PPM1H: variants seen among roughly 807,000 people sequenced by gnomAD.
PPM1H encodes protein phosphatase 1H.
In PPM1H, 27 loss-of-function variants were observed where a neutral mutation model predicts 54.9. The ratio of observed to expected loss-of-function variants is 0.49; its 90% CI spans 0.36 to 0.68. The LOEUF (loss-of-function observed/expected upper bound fraction) is 0.68. Among genes scored for constraint, PPM1H ranks in the 30% least tolerant of loss-of-function variants. The pLI, the probability that PPM1H is intolerant of heterozygous loss-of-function variation, is 0.00. For missense variants in PPM1H, 596 were observed against 667.8 expected, an observed-to-expected ratio of 0.89 and a Z score of 1.19; for synonymous variants, 305 against 270.8, an observed-to-expected ratio of 1.13 and a Z score of -1.24.
chr12:62,728,214 T>C (rs895326694), intron 5 of PPM1H, among the ~76,000 whole-genome samples: 1 of 152,154 alleles, frequency 6.6e-6, no homozygotes, highest in African/African-American at 2.4e-5. Flanking sequence ...TTAGGGACTC[T>C]AAAGAGCACA....
intron 4 of PPM1H, among the ~76,000 whole-genome samples, chr12:62,760,603 A>C (rs565584357): frequency 6.6e-6 from 1 of 152,346 alleles, no homozygotes; most frequent in African/African-American, 2.4e-5. Context: ...AGCTGAAGGC[A>C]TAGTCAGGGT....
At chr12:62,702,544 C>CAGAGAGAGAGAGAGAGAGAGAGAGAG (rs66497730) in intron 6 of PPM1H, among the ~76,000 whole-genome samples, 38 of 140,724 alleles carry the variant, frequency 2.7e-4, no homozygotes, top group Non-Finnish European at 4.4e-4. Context: ...CCTTGAGCTA[C>CAGAGAGAGAGAGAGAGAGAGAGAGAG]AGAGAGAGAG....
At chr12:62,670,056 C>T (rs193040844) in intron 8 of PPM1H, among the ~76,000 whole-genome samples, 1 of 139,116 alleles carries the variant, frequency 7.2e-6, no homozygotes, top group Non-Finnish European at 1.5e-5. Flanking sequence ...CAGCTCACTG[C>T]AACCTCTGCC....
In PPM1H at chr12:62,844,639, T is replaced by C. The variant is rs2120906551; in HGVS notation, c.246-12360A>G. ...GGACAAGGTGGACTACCAATATATT[T>C]CAATTAGTCAAGGGTAGATGTGTTC... On this transcript the variant is annotated intron_variant, in intron 1 of 9. Transcript: ENST00000228705. The surrounding 1 kb of genome is among the most constrained non-coding windows in gnomAD (Gnocchi z 5.2). Among the ~76,000 whole-genome samples, 1 of 152,342 alleles carries C rather than the reference T, an allele frequency of 6.6e-6. No individual in the cohort carries two copies. The highest frequency in any genetic ancestry group is 3.4e-3 in the Middle Eastern group (1 of 294).
intron 6 of PPM1H, among the ~76,000 whole-genome samples, chr12:62,712,659 AC>A (rs779186223): frequency 6.6e-6 from 1 of 152,230 alleles, no homozygotes; most frequent in Non-Finnish European, 1.5e-5. Flanking sequence ...ACTCTGTAAA[AC>A]TCAAGAGTCA....
At chr12:62,903,723 C>T (rs1871227155) in intron 1 of PPM1H, among the ~76,000 whole-genome samples, 1 of 151,998 alleles carries the variant, frequency 6.6e-6, no homozygotes, top group South Asian at 2.1e-4. Flanking sequence ...TGTCTAGTTG[C>T]CATGGGGTGG....
chr12:62,689,916 C>G, intron 7 of PPM1H, 110 bp from the exon 8 acceptor site: 2 of 684,658 alleles, frequency 2.9e-6, no homozygotes, highest in South Asian at 4.2e-5. Context: ...GTTCCTCCTG[C>G]CCAGATATGT....
intron 2 of PPM1H, among the ~76,000 whole-genome samples, chr12:62,805,691 TG>T (rs1417003598): frequency 2.0e-5 from 3 of 152,130 alleles, no homozygotes; most frequent in African/African-American, 7.2e-5. Flanking sequence ...TGCCAGGGGC[TG>T]GGGTTGAGGA....
chr12:62,764,934 C>A (rs552694962), intron 4 of PPM1H, among the ~76,000 whole-genome samples: 1 of 152,200 alleles, frequency 6.6e-6, no homozygotes, highest in Non-Finnish European at 1.5e-5. Flanking sequence ...CAAAGCCATG[C>A]GTGCCGCTTA....
At chr12:62,877,429 T>G (rs1483106158) in intron 1 of PPM1H, among the ~76,000 whole-genome samples, 1 of 152,212 alleles carries the variant, frequency 6.6e-6, no homozygotes, top group African/African-American at 2.4e-5. Flanking sequence ...CAACATCTGC[T>G]TCTAGCATCA....
intron 6 of PPM1H, among the ~76,000 whole-genome samples, chr12:62,717,020 C>T (rs909087257): frequency 3.3e-5 from 5 of 152,170 alleles, no homozygotes; most frequent in Non-Finnish European, 7.3e-5. Flanking sequence ...GTTGCCCAGG[C>T]TGGAATGCAG....
chr12:62,902,340 C>T (rs1365859079), intron 1 of PPM1H, among the ~76,000 whole-genome samples: 1 of 151,018 alleles, frequency 6.6e-6, no homozygotes, highest in East Asian at 1.9e-4. Flanking sequence ...GGCAAAAGAG[C>T]AAGACTCCAA....
intron 7 of PPM1H, among the ~76,000 whole-genome samples, chr12:62,693,248 A>T (rs1289955715): frequency 4.6e-5 from 7 of 152,176 alleles, no homozygotes; most frequent in Non-Finnish European, 1.5e-5. Context: ...CCACTTTAGG[A>T]TCCACAGCTT....
At chr12:62,659,029 C>A (rs2075864135) in intron 9 of PPM1H, 4 of 725,308 alleles carry the variant, frequency 5.5e-6, no homozygotes, top group Non-Finnish European at 1.0e-5. Flanking sequence ...CACATGCTGC[C>A]CAGTGGCTTC....
intron 2 of PPM1H, among the ~76,000 whole-genome samples, chr12:62,803,464 T>C (rs2076784663): frequency 6.6e-6 from 1 of 152,108 alleles, no homozygotes; most frequent in Non-Finnish European, 1.5e-5. Context: ...GTGTCTGCAA[T>C]AAATGGTATT....
chr12:62,681,329 G>A (rs2076017879), intron 8 of PPM1H, among the ~76,000 whole-genome samples: 1 of 152,130 alleles, frequency 6.6e-6, no homozygotes, highest in Admixed American at 6.5e-5. Context: ...AATCCAGTCT[G>A]CCTCATTATG....
chr12:62,931,416 T>C (rs1872127525), intron 1 of PPM1H, among the ~76,000 whole-genome samples: 1 of 152,246 alleles, frequency 6.6e-6, no homozygotes, highest in Admixed American at 6.5e-5. Context: ...CCACAGTCCC[T>C]ACTTGTCTTT....
chr12:62,803,037 C>A (rs1272296662), intron 2 of PPM1H, among the ~76,000 whole-genome samples: 1 of 152,166 alleles, frequency 6.6e-6, no homozygotes, highest in Non-Finnish European at 1.5e-5. Flanking sequence ...ATAATTGTCC[C>A]ATCTTTCTTG....
rs371143962 is a variant in PPM1H, at chr12:62,804,351, C to CAAAA, written c.412-2195_412-2192dup. ...CTGGGGTGACAGAGTGACCCTGTCT[C>CAAAA]AAAAAAAAAAGATTGTTTAAGAAAA... On this transcript the variant is annotated intron_variant, in intron 2 of 9. Transcript: ENST00000228705. 3.1e-4 allele frequency among the ~76,000 whole-genome samples: 43 copies of CAAAA among 137,672 alleles called. 1 individual carries two copies. Among genetic ancestry groups the CAAAA allele is most frequent in the African/African-American group, 1.1e-3 (38 of 33,840 alleles). The allele number at this position is 137,672 out of a possible 152,430, so 90.3% of individuals were successfully genotyped here.
Sources: gnomAD v4.1 joint callset for allele counts (sites outside exome capture counted in the v4.1 genomes callset) on GRCh38, gnomAD v4.1.1 for gene constraint, Gnocchi (gnomAD v3.1) non-coding constraint, MANE v1.5 for transcripts, NCBI Gene and HGNC (gene_info 2026-07-23, HGNC 2026-07-21) for gene names.